The following SLC25A26 variants were observed in gnomAD, a reference collection of about 807,000 sequenced individuals.
SLC25A26 encodes the protein mitochondrial S-adenosylmethionine carrier protein.
SLC25A26 carries 36 observed loss-of-function variants against 37.8 expected under a neutral mutation model. That is an observed-to-expected ratio of 0.95 (90% CI 0.73 to 1.26). The LOEUF (loss-of-function observed/expected upper bound fraction) is 1.26, where lower values mean the gene tolerates loss of function less well. SLC25A26 is among the 50% of genes most tolerant of loss of function. SLC25A26 has a pLI of 0.00. For missense variants in SLC25A26, 390 were observed against 331.1 expected, an observed-to-expected ratio of 1.18 and a Z score of -1.38; for synonymous variants, 129 against 122.5, an observed-to-expected ratio of 1.05 and a Z score of -0.35.
In SLC25A26 at chr3:66,262,089, G is replaced by C; in HGVS notation, c.339G>C (p.Lys113Asn). ...CLIRVPSEVV[K>N]QRAQVSASTR... ...TTCGAGTTCCATCTGAAGTGGTTAA[G>C]CAGAGGGCACAGGTATCTGCTTCTA... Residue 113 changes from lysine (K) to asparagine (N), a missense_variant, in exon 4 of 10, where the codon AAG (lysine) becomes AAC (asparagine). Coordinates refer to ENST00000354883, the MANE Select transcript of SLC25A26 (RefSeq NM_001379210.1). 1 of 1,591,234 alleles carries C rather than the reference G, an allele frequency of 6.3e-7. No individual in the cohort carries two copies. Among genetic ancestry groups the C allele is most frequent in the Non-Finnish European group, 8.6e-7 (1 of 1,167,754 alleles).
intron 1 of SLC25A26, among the ~76,000 whole-genome samples, chr3:66,198,753 G>T (rs974393869): frequency 9.9e-5 from 15 of 151,504 alleles, no homozygotes; most frequent in African/African-American, 3.6e-4. Context: ...TTTACCATCA[G>T]CCTAACCCTG....
chr3:66,213,168 G>T (rs2071308912), intron 1 of SLC25A26, among the ~76,000 whole-genome samples: 1 of 152,016 alleles, frequency 6.6e-6, no homozygotes, highest in Admixed American at 6.5e-5. Context: ...GGGAGGCCGA[G>T]GTGGGTGGAT....
At chr3:66,302,740 T>G (rs2075112215) in intron 5 of SLC25A26, among the ~76,000 whole-genome samples, 1 of 152,232 alleles carries the variant, frequency 6.6e-6, no homozygotes, top group Admixed American at 6.5e-5. Flanking sequence ...GTATTAGAGC[T>G]AGATACAACT....
At chr3:66,365,648 G>T (rs939607111) in intron 7 of SLC25A26, among the ~76,000 whole-genome samples, 1 of 152,278 alleles carries the variant, frequency 6.6e-6, no homozygotes, top group East Asian at 1.9e-4. Flanking sequence ...GACATTGATT[G>T]CGATCTCTCC....
At chr3:66,220,743 T>A (rs141331547), upstream of SLC25A26, 3,608 of 389,416 alleles carry the variant, frequency 9.3e-3, 127 homozygotes, top group African/African-American at 0.072. Flanking sequence ...GGTTTACAGT[T>A]CAGAATCACG....
At chr3:66,349,177 G>A (rs956199319) in intron 6 of SLC25A26, among the ~76,000 whole-genome samples, 1 of 152,184 alleles carries the variant, frequency 6.6e-6, no homozygotes. Context: ...AGATGACAAT[G>A]CTAAGATTTA....
chr3:66,266,673 T>C (rs1170462637), intron 5 of SLC25A26, among the ~76,000 whole-genome samples: 1 of 151,632 alleles, frequency 6.6e-6, no homozygotes, highest in Non-Finnish European at 1.5e-5. Flanking sequence ...CTGTGAATTT[T>C]AGATGGAGTC....
chr3:66,291,503 G>A lies in SLC25A26; in HGVS notation c.453+28124G>A, dbSNP rs549185281. Reference sequence around the variant, plus strand: ...TGTCCCAGAGATTCCGGTACGTTGTGTATTTGCTTTCATCAGTTTCAAAGA... The same window carrying A: ...TGTCCCAGAGATTCCGGTACGTTGTATATTTGCTTTCATCAGTTTCAAAGA... On this transcript the variant is annotated intron_variant, in intron 5 of 9. Transcript: ENST00000354883. Among the ~76,000 whole-genome samples, 8 of 152,242 alleles carry A rather than the reference G, an allele frequency of 5.3e-5. No individual in the cohort carries two copies. In the South Asian group the frequency reaches 1.7e-3, roughly 32 times the overall value.
At chr3:66,353,963 A>G (rs1187602232) in intron 6 of SLC25A26, among the ~76,000 whole-genome samples, 1 of 152,248 alleles carries the variant, frequency 6.6e-6, no homozygotes, top group Non-Finnish European at 1.5e-5. Flanking sequence ...GAAGGTTAGC[A>G]TTCTTTTTCA....
At chr3:66,366,992 T>G (rs1309309892) in intron 7 of SLC25A26, among the ~76,000 whole-genome samples, 2 of 152,218 alleles carry the variant, frequency 1.3e-5, no homozygotes, top group African/African-American at 4.8e-5. Flanking sequence ...GCACTGCAGA[T>G]ATTAGCTCCT....
intron 1 of SLC25A26, among the ~76,000 whole-genome samples, chr3:66,177,954 C>A (rs4074364): frequency 0.27 from 41,557 of 151,990 alleles, 6,198 homozygotes; most frequent in African/African-American, 0.39. Flanking sequence ...GCGTAAATAG[C>A]ATTGATATTG....
intron 5 of SLC25A26, among the ~76,000 whole-genome samples, chr3:66,266,085 C>G (rs1008495603): frequency 2.0e-5 from 3 of 152,164 alleles, no homozygotes; most frequent in African/African-American, 7.2e-5. Context: ...AGTAGTGTGA[C>G]CTCACTGAGA....
chr3:66,236,515 T>A, intron 1 of SLC25A26, 29 bp from the exon 2 acceptor site: 2 of 1,428,420 alleles, frequency 1.4e-6, no homozygotes, highest in South Asian at 3.0e-5. Flanking sequence ...CTTTTTTTTT[T>A]CTTTTTCTTC....
At chr3:66,250,218 A>G (rs2073026927) in intron 3 of SLC25A26, among the ~76,000 whole-genome samples, 1 of 152,198 alleles carries the variant, frequency 6.6e-6, no homozygotes, top group Non-Finnish European at 1.5e-5. Context: ...AGCTCATCTT[A>G]GATTCCTTCA....
At chr3:66,312,273 T>C (rs570642118) in intron 5 of SLC25A26, among the ~76,000 whole-genome samples, 1 of 152,276 alleles carries the variant, frequency 6.6e-6, no homozygotes, top group Admixed American at 6.5e-5. Context: ...CGCAGCTTTG[T>C]TTACACTGTG....
rs2071326195 is a variant in SLC25A26 at position 66,214,136 on chromosome 3, G to T, written c.-353-6606G>T. 2.6e-5 allele frequency among the ~76,000 whole-genome samples: 4 copies of T among 152,068 alleles called. No individual in the cohort carries two copies. In the South Asian group the frequency reaches 8.3e-4, roughly 32 times the overall value. On this transcript the variant is annotated intron_variant, in intron 1 of 10. Transcript: ENST00000676754. ...GCCTGGTGGGAGGTGTTTGGGTCATGGGGGTGGATCCCTCTTGAATGGCTT... is the reference window on the plus strand; with the variant it reads ...GCCTGGTGGGAGGTGTTTGGGTCATTGGGGTGGATCCCTCTTGAATGGCTT...
chr3:66,246,930 C>G lies in SLC25A26; in HGVS notation c.300+3618C>G, dbSNP rs1033310747. Among the ~76,000 whole-genome samples, 3 of 152,098 alleles carry G rather than the reference C, an allele frequency of 2.0e-5. No homozygotes were observed. In the East Asian group the frequency reaches 5.8e-4, roughly 29 times the overall value. ...ATGCTGGAGTGCAGTGGCGCGATCT[C>G]GGCTCACTGCAACCTCTGCCTCCCA... On this transcript the variant is annotated intron_variant, in intron 3 of 9. Coordinates refer to ENST00000354883, the MANE Select transcript of SLC25A26 (RefSeq NM_001379210.1).
At chr3:66,334,393 C>T (rs1222356912) in intron 5 of SLC25A26, among the ~76,000 whole-genome samples, 2 of 152,166 alleles carry the variant, frequency 1.3e-5, no homozygotes, top group African/African-American at 4.8e-5. Context: ...CGGCTCAGTG[C>T]AGCCTCCATC....
chr3:66,213,166 G>A (rs1008049703), intron 1 of SLC25A26, among the ~76,000 whole-genome samples: 4 of 152,014 alleles, frequency 2.6e-5, no homozygotes, highest in African/African-American at 9.7e-5. Context: ...TTGGGAGGCC[G>A]AGGTGGGTGG....
Sources: allele counts gnomAD v4.1 joint callset (sites outside exome capture counted in the v4.1 genomes callset), GRCh38; gene constraint gnomAD v4.1.1; transcripts MANE v1.5; gene names NCBI Gene and HGNC (gene_info 2026-07-23, HGNC 2026-07-21).